Variants in KIRREL3 observed in about 807,000 individuals in gnomAD.
KIRREL3 encodes kin of IRRE-like protein 3.
In KIRREL3, 36 loss-of-function variants were observed where a neutral mutation model predicts 89.7. That is an observed-to-expected ratio of 0.40 (90% confidence interval 0.31 to 0.53). KIRREL3 has a LOEUF of 0.53. Among genes scored for constraint, KIRREL3 ranks in the 20% least tolerant of loss-of-function variants. The pLI, the probability that KIRREL3 is intolerant of heterozygous loss-of-function variation, is 0.49. For synonymous variants in KIRREL3, 445 were observed against 441.4 expected (o/e 1.01, Z -0.10); for missense variants, 864 against 1,056.6 (o/e 0.82, Z 2.53).
At chr11:126,465,765 G>A (rs1956701921) in intron 5 of KIRREL3, among the ~76,000 whole-genome samples, 1 of 152,202 alleles carries the variant, frequency 6.6e-6, no homozygotes, top group South Asian at 2.1e-4. Context: ...CTGCAGAGGA[G>A]TGAAGTTGAA....
At chr11:126,727,470 C>A (rs1008328974) in intron 1 of KIRREL3, among the ~76,000 whole-genome samples, 23 of 152,206 alleles carry the variant, frequency 1.5e-4, no homozygotes, top group African/African-American at 5.5e-4. Context: ...TGAATCTCAA[C>A]TTGGAGGACT....
chr11:126,702,972 C>G (rs953756925), intron 1 of KIRREL3, among the ~76,000 whole-genome samples: 1 of 152,264 alleles, frequency 6.6e-6, no homozygotes, highest in African/African-American at 2.4e-5. Context: ...GGCTGGGCCC[C>G]TGAGGGCAAT....
chr11:126,497,401 C>T (rs1356527391), intron 4 of KIRREL3, among the ~76,000 whole-genome samples: 2 of 152,152 alleles, frequency 1.3e-5, no homozygotes, highest in East Asian at 3.9e-4. Flanking sequence ...TGTTCCCAGT[C>T]ACCAGCATAT....
In KIRREL3 at chr11:126,486,872, GC is replaced by G. The variant is rs1190218618; in HGVS notation, c.434-13407del. Among the ~76,000 whole-genome samples the G allele has an allele frequency of 6.6e-6, 1 of 152,168 alleles. No individual in the cohort carries two copies. Among genetic ancestry groups the G allele is most frequent in the African/African-American group, 2.4e-5 (1 of 41,438 alleles). On this transcript the variant is annotated intron_variant, in intron 4 of 16. Coordinates refer to ENST00000525144, the MANE Select transcript of KIRREL3 (RefSeq NM_032531.4). This position sits in a 1 kb window ranked among gnomAD's most constrained non-coding sequence, Gnocchi z 6.2. ...GGCAGCCATCCTGACCCAGCAAAGGGCCAGGCAGGGACTTGGAGTGTCCCCG... is the reference window on the plus strand; with the variant it reads ...GGCAGCCATCCTGACCCAGCAAAGGGCAGGCAGGGACTTGGAGTGTCCCCG...
chr11:126,491,655 C>A lies in KIRREL3; in HGVS notation c.434-18189G>T, dbSNP rs116888071. Among the ~76,000 whole-genome samples, 1 of 152,298 alleles carries A rather than the reference C, an allele frequency of 6.6e-6. No homozygotes were observed. Among genetic ancestry groups the A allele is most frequent in the East Asian group, 1.9e-4 (1 of 5,176 alleles). On this transcript the variant is annotated intron_variant, in intron 4 of 16. Transcript: ENST00000525144. This position sits in a 1 kb window ranked among gnomAD's most constrained non-coding sequence, Gnocchi z 5.5. ...CCCAAAGCAGCCAAGATTACCGTTTCTTTGTGCTCCCCACACACAGATTTG... is the reference window on the plus strand; with the variant it reads ...CCCAAAGCAGCCAAGATTACCGTTTATTTGTGCTCCCCACACACAGATTTG...
chr11:126,758,907 A>T (rs1347395630), intron 1 of KIRREL3, among the ~76,000 whole-genome samples: 4 of 152,172 alleles, frequency 2.6e-5, no homozygotes, highest in African/African-American at 9.7e-5. Context: ...TTGGAATTAG[A>T]TGTTAGAGCA....
At chr11:126,470,190 G>T (rs943162170) in intron 5 of KIRREL3, among the ~76,000 whole-genome samples, 6 of 152,260 alleles carry the variant, frequency 3.9e-5, no homozygotes, top group Non-Finnish European at 8.8e-5. Context: ...TGTGTCCTCT[G>T]CAGGACATTG....
At chr11:126,928,339 T>C (rs1592385545) in intron 1 of KIRREL3, among the ~76,000 whole-genome samples, 1 of 152,046 alleles carries the variant, frequency 6.6e-6, no homozygotes, top group African/African-American at 2.4e-5. Flanking sequence ...AGAAATGAGG[T>C]GGAAAAGTTG....
chr11:126,581,712 T>G (rs982268764), intron 1 of KIRREL3, among the ~76,000 whole-genome samples: 2 of 152,160 alleles, frequency 1.3e-5, no homozygotes. Flanking sequence ...TTTCCAATTA[T>G]AGGATACACT....
chr11:126,580,452 T>G (rs1034230101), intron 1 of KIRREL3, among the ~76,000 whole-genome samples: 1 of 151,802 alleles, frequency 6.6e-6, no homozygotes, highest in Non-Finnish European at 1.5e-5. Context: ...GAGCCAAGGG[T>G]TCAGGTTGCG....
chr11:126,659,038 A>G (rs1945279098), intron 1 of KIRREL3, among the ~76,000 whole-genome samples: 1 of 152,208 alleles, frequency 6.6e-6, no homozygotes, highest in Non-Finnish European at 1.5e-5. Context: ...ATAGGAAACC[A>G]TTTAGACTGG....
rs906690648 is a variant in KIRREL3, at chr11:126,574,978, C to T, written c.56-12066G>A. Among the ~76,000 whole-genome samples the T allele has an allele frequency of 5.3e-5, 8 of 152,104 alleles. No homozygotes were observed. The highest frequency in any genetic ancestry group is 5.9e-5 in the Non-Finnish European group (4 of 68,020). Reference sequence around the variant, plus strand: ...GTGGGGATCAGTGTGTCTCTGGGACCTATTTACCCCTATGAACCACTGGGG... The same window carrying T: ...GTGGGGATCAGTGTGTCTCTGGGACTTATTTACCCCTATGAACCACTGGGG... On this transcript the variant is annotated intron_variant, in intron 1 of 16. Coordinates refer to ENST00000525144, the MANE Select transcript of KIRREL3 (RefSeq NM_032531.4). This position sits in a 1 kb window ranked among gnomAD's most constrained non-coding sequence, Gnocchi z 5.3.
At chr11:126,556,221 C>T (rs777757032) in intron 2 of KIRREL3, among the ~76,000 whole-genome samples, 9 of 151,972 alleles carry the variant, frequency 5.9e-5, no homozygotes, top group African/African-American at 1.9e-4. Context: ...GGGAGAGAGG[C>T]TGGGGACAGG....
intron 2 of KIRREL3, among the ~76,000 whole-genome samples, chr11:126,533,928 C>A (rs1339212502): frequency 6.6e-6 from 1 of 152,194 alleles, no homozygotes; most frequent in Non-Finnish European, 1.5e-5. Flanking sequence ...GAACACCAGG[C>A]CGCAGGCTGA....
At chr11:126,552,042 A>G (rs1207029596) in intron 2 of KIRREL3, among the ~76,000 whole-genome samples, 1 of 152,260 alleles carries the variant, frequency 6.6e-6, no homozygotes, top group Non-Finnish European at 1.5e-5. Flanking sequence ...GATACCAAGC[A>G]AAGAGACAAT....
chr11:126,547,700 T>TG (rs1304126044), intron 2 of KIRREL3, among the ~76,000 whole-genome samples: 4 of 151,438 alleles, frequency 2.6e-5, no homozygotes, highest in Non-Finnish European at 4.4e-5. Flanking sequence ...AGTGGCGGAG[T>TG]GGGGGGTCTG....
intron 16 of KIRREL3, 141 bp downstream of exon 16, chr11:126,425,497 G>T: frequency 1.4e-6 from 1 of 714,312 alleles, no homozygotes; most frequent in Non-Finnish European, 2.4e-6. Flanking sequence ...CTTAGGCAGG[G>T]ACGGGCACCT....
intron 1 of KIRREL3, among the ~76,000 whole-genome samples, chr11:126,939,355 T>C (rs1055317954): frequency 2.6e-5 from 4 of 152,150 alleles, no homozygotes; most frequent in African/African-American, 9.7e-5. Context: ...CAAAGACAAG[T>C]AATTGGTTCT....
intron 1 of KIRREL3, among the ~76,000 whole-genome samples, chr11:126,793,145 T>C (rs1950699294): frequency 6.6e-6 from 1 of 151,550 alleles, no homozygotes; most frequent in Non-Finnish European, 1.5e-5. Context: ...GTAAGGTTTA[T>C]TGCAAAACAG....
Sources: allele counts gnomAD v4.1 joint callset (sites outside exome capture counted in the v4.1 genomes callset), GRCh38; gene constraint gnomAD v4.1.1; non-coding constraint Gnocchi (gnomAD v3.1); transcripts MANE v1.5; gene names NCBI Gene and HGNC (gene_info 2026-07-23, HGNC 2026-07-21).